CD82: variants seen among roughly 807,000 people sequenced by gnomAD.
CD82 encodes the protein CD82 molecule, also known as CD82 antigen.
CD82 carries 36 observed loss-of-function variants against 37.4 expected under a neutral mutation model. The observed-to-expected ratio is 0.96, with a 90% CI of 0.74 to 1.27. The LOEUF (loss-of-function observed/expected upper bound fraction) is 1.27. Among genes scored for constraint, CD82 ranks in the 50% most tolerant of loss-of-function variants. The pLI, the probability that CD82 is intolerant of heterozygous loss-of-function variation, is 0.00. For synonymous variants in CD82, 158 were observed against 137.4 expected, an observed-to-expected ratio of 1.15 and a Z score of -1.05; for missense variants, 340 against 347.0, an observed-to-expected ratio of 0.98 and a Z score of 0.16.
chr11:44,616,433 A>C (rs1853565327), intron 7 of CD82, among the ~76,000 whole-genome samples: 1 of 152,158 alleles, frequency 6.6e-6, no homozygotes, highest in South Asian at 2.1e-4. Flanking sequence ...AGTGACATAA[A>C]CCAGTGCCAC....
At chr11:44,594,308 A>G (rs879453732) in intron 2 of CD82, among the ~76,000 whole-genome samples, 10 of 152,038 alleles carry the variant, frequency 6.6e-5, no homozygotes, top group Admixed American at 6.5e-4. Context: ...CCTGACTTCA[A>G]ACAGAGTCCA....
intron 2 of CD82, among the ~76,000 whole-genome samples, chr11:44,592,910 G>T (rs1853166228): frequency 6.6e-6 from 1 of 152,180 alleles, no homozygotes; most frequent in Admixed American, 6.5e-5. Flanking sequence ...TGCCGCTTGT[G>T]ATGGGAAGCT....
At chr11:44,596,501 G>A (rs1853229671) in intron 3 of CD82, among the ~76,000 whole-genome samples, 1 of 152,212 alleles carries the variant, frequency 6.6e-6, no homozygotes, top group Non-Finnish European at 1.5e-5. Context: ...AGTGGGGTTG[G>A]TGGTTTCAGC....
chr11:44,571,165 T>C (rs1852809471), intron 1 of CD82, among the ~76,000 whole-genome samples: 1 of 152,100 alleles, frequency 6.6e-6, no homozygotes, highest in South Asian at 2.1e-4. Flanking sequence ...GAAGCCCGGG[T>C]TCAAATCCTG....
intron 1 of CD82, among the ~76,000 whole-genome samples, chr11:44,568,227 G>C (rs1381363870): frequency 1.3e-5 from 2 of 152,200 alleles, no homozygotes; most frequent in Non-Finnish European, 2.9e-5. Context: ...TGGGAAGAAG[G>C]GGTCTGGGTG....
rs995575728 is a variant in CD82 at position 44,596,834 on chromosome 11, C to T, written c.63+2109C>T. 2.9e-5 allele frequency: 13 copies of T among 449,584 alleles called. No individual in the cohort carries two copies. The East Asian group carries it at 4.2e-4, about 15-fold the overall frequency. The allele number at this position is 449,584 out of a possible 1,614,324, so 27.8% of individuals were successfully genotyped here. On this transcript the variant is annotated intron_variant, in intron 3 of 9. Coordinates refer to ENST00000227155, the MANE Select transcript of CD82 (RefSeq NM_002231.4). ...GGAAGAGCCCTGATTGCTATACTTC[C>T]GGAGCTTGTGTCCTAGGGAGCAGTG... is the stretch of plus-strand genomic sequence containing the variant.
intron 1 of CD82, among the ~76,000 whole-genome samples, chr11:44,578,185 G>A (rs556796767): frequency 6.6e-6 from 1 of 152,176 alleles, no homozygotes; most frequent in East Asian, 1.9e-4. Context: ...TCCTACTGGG[G>A]AACAAATAGT....
chr11:44,610,601 G>T (rs544304760), intron 6 of CD82, among the ~76,000 whole-genome samples: 7 of 152,274 alleles, frequency 4.6e-5, no homozygotes, highest in Non-Finnish European at 1.0e-4. Context: ...GGAGGCCCTG[G>T]GCAGCTTGCC....
chr11:44,615,277 G>A lies in CD82; in HGVS notation c.342G>A (p.Lys114=). 6.2e-7 allele frequency: 1 copy of A among 1,609,010 alleles called. No homozygotes were observed. The part of the protein sequence containing the change: ...ALFYFNMGKL[K]QEMGGIVTEL... ...CTTTGTCCTCCCCCCTGCAGCTGAA[G>A]CAGGAGATGGGCGGCATCGTGACTG... The change falls in exon 7 of 10, where the codon AAG becomes AAA. Residue 114 remains lysine (K), a synonymous_variant. Transcript: ENST00000227155.
chr11:44,604,893 T>C, intron 4 of CD82, 165 bp from the exon 5 acceptor site: 1 of 859,352 alleles, frequency 1.2e-6, no homozygotes, highest in South Asian at 1.5e-5. Flanking sequence ...CAAGTGGGGA[T>C]GGGGGTGACC....
chr11:44,589,995 G>A (rs1182084012), intron 2 of CD82, among the ~76,000 whole-genome samples: 4 of 151,934 alleles, frequency 2.6e-5, no homozygotes, highest in East Asian at 2.0e-4. Flanking sequence ...CACCACGCCT[G>A]GCTAATTTTT....
chr11:44,584,659 G>A (rs1432545205), intron 1 of CD82, among the ~76,000 whole-genome samples: 1 of 151,702 alleles, frequency 6.6e-6, no homozygotes, highest in Non-Finnish European at 1.5e-5. Context: ...GTCACCCAGA[G>A]TAGCAGCTAT....
chr11:44,609,780 G>A (rs893893320), intron 6 of CD82, among the ~76,000 whole-genome samples: 6 of 152,264 alleles, frequency 3.9e-5, no homozygotes, highest in African/African-American at 1.4e-4. Flanking sequence ...CCTGGGACAG[G>A]GAGAGGTGAC....
intron 1 of CD82, among the ~76,000 whole-genome samples, chr11:44,582,550 G>C (rs1367809849): frequency 1.3e-5 from 2 of 152,222 alleles, no homozygotes; most frequent in African/African-American, 2.4e-5. Context: ...CAGCTTGCCA[G>C]AGGTCATGTG....
upstream of CD82, among the ~76,000 whole-genome samples, chr11:44,565,185 G>A (rs1162809038): frequency 1.3e-5 from 2 of 152,100 alleles, no homozygotes; most frequent in African/African-American, 4.8e-5. Flanking sequence ...GGATTAGGAA[G>A]GCGCTGAGCC....
chr11:44,586,648 G>A (rs1019551850), intron 1 of CD82, among the ~76,000 whole-genome samples: 2 of 152,148 alleles, frequency 1.3e-5, no homozygotes, highest in East Asian at 3.8e-4. Flanking sequence ...AGAGCAGAGT[G>A]AGGTCCTGTC....
intron 1 of CD82, chr11:44,587,201 G>A (rs537904548): frequency 6.1e-5 from 21 of 346,382 alleles, no homozygotes; most frequent in African/African-American, 3.9e-4. Flanking sequence ...TCTGAGCCAA[G>A]GCTTGTGGGA....
At chr11:44,610,124 A>G (rs1389651528) in intron 6 of CD82, among the ~76,000 whole-genome samples, 1 of 152,274 alleles carries the variant, frequency 6.6e-6, no homozygotes, top group African/African-American at 2.4e-5. Context: ...GGGCTATTTC[A>G]CACCTTAAAG....
intron 4 of CD82, chr11:44,604,814 A>G: frequency 1.8e-6 from 1 of 557,020 alleles, no homozygotes; most frequent in Non-Finnish European, 3.2e-6. Context: ...TTACGAAGTA[A>G]AAAATAAAGC....
Sources: allele counts gnomAD v4.1 joint callset (sites outside exome capture counted in the v4.1 genomes callset), GRCh38; gene constraint gnomAD v4.1.1; transcripts MANE v1.5; gene names NCBI Gene and HGNC (gene_info 2026-07-23, HGNC 2026-07-21).